The following NXPE2 variants were observed in gnomAD, a reference collection of about 807,000 sequenced individuals.
NXPE2 encodes the protein neurexophilin and PC-esterase domain family member 2, also known as NXPE family member 2.
NXPE2 carries 34 observed loss-of-function variants against 34.4 expected under a neutral mutation model. The ratio of observed to expected loss-of-function variants is 0.99; its 90% CI spans 0.75 to 1.31. The LOEUF is 1.31. Among genes scored for constraint, NXPE2 ranks in the 40% most tolerant of loss-of-function variants. The pLI, the probability that NXPE2 is intolerant of heterozygous loss-of-function variation, is 0.00. For missense variants in NXPE2, 649 were observed against 672.5 expected, an observed-to-expected ratio of 0.97 and a Z score of 0.39; for synonymous variants, 235 against 231.3, an observed-to-expected ratio of 1.02 and a Z score of -0.15.
At position 114,682,780 on chromosome 11, in the gene NXPE2, A is replaced by G. The variant is rs60307835; in HGVS notation, c.132+3018A>G. Among the ~76,000 whole-genome samples, 1,066 of 152,242 alleles carry G rather than the reference A, an allele frequency of 7.0e-3. 8 individuals carry two copies. The highest frequency in any genetic ancestry group is 0.02 in the African/African-American group (839 of 41,538). The stretch of plus-strand genomic sequence containing the variant: ...GTGCACAGAATATTATGTTGGAAGA[A>G]GACATTTCCTTTAGACCTTTAAGAA... On this transcript the variant is annotated intron_variant, in intron 2 of 5. Coordinates refer to ENST00000389586, the MANE Select transcript of NXPE2 (RefSeq NM_182495.6).
the NXPE2 span, among the ~76,000 whole-genome samples, chr11:114,624,754 C>T: frequency 6.6e-6 from 1 of 152,212 alleles, no homozygotes; most frequent in African/African-American, 2.4e-5. Flanking sequence ...ACCACTGTTA[C>T]CCAGTGGATA....
chr11:114,524,692 T>A, the NXPE2 span, among the ~76,000 whole-genome samples: 1 of 152,214 alleles, frequency 6.6e-6, no homozygotes, highest in Non-Finnish European at 1.5e-5. Context: ...TGGCACACTT[T>A]GCTGAGAACA....
At chr11:114,654,457 A>G in the NXPE2 span, among the ~76,000 whole-genome samples, 4 of 151,636 alleles carry the variant, frequency 2.6e-5, no homozygotes, top group African/African-American at 9.7e-5. Flanking sequence ...CCCATCTTCT[A>G]TGTGCCCTCC....
At chr11:114,693,541 C>A (rs1460785713) in intron 2 of NXPE2, among the ~76,000 whole-genome samples, 1 of 152,192 alleles carries the variant, frequency 6.6e-6, no homozygotes, top group African/African-American at 2.4e-5. Context: ...ACAGTGAAGT[C>A]TTTGAGAACT....
the NXPE2 span, among the ~76,000 whole-genome samples, chr11:114,738,743 A>G: frequency 2.3e-3 from 357 of 152,300 alleles, 3 homozygotes; most frequent in African/African-American, 8.3e-3. Flanking sequence ...TGATGTTGTC[A>G]TAAAAAGATC....
chr11:114,505,481 G>A, the NXPE2 span, among the ~76,000 whole-genome samples: 1 of 152,084 alleles, frequency 6.6e-6, no homozygotes, highest in African/African-American at 2.4e-5. Context: ...AGAGAGAAAG[G>A]CCAGGTCATA....
At chr11:114,699,889 G>C (rs1048528375) in intron 3 of NXPE2, among the ~76,000 whole-genome samples, 1 of 151,614 alleles carries the variant, frequency 6.6e-6, no homozygotes, top group Non-Finnish European at 1.5e-5. Context: ...CGCCTCCTGG[G>C]TACAAGCAAT....
At chr11:114,737,707 C>G in the NXPE2 span, among the ~76,000 whole-genome samples, 2 of 152,086 alleles carry the variant, frequency 1.3e-5, no homozygotes, top group Non-Finnish European at 2.9e-5. Flanking sequence ...GAGGGGTTCT[C>G]CTCTTGAATC....
chr11:114,695,733 C>A (rs1951237443), intron 2 of NXPE2, among the ~76,000 whole-genome samples: 1 of 152,072 alleles, frequency 6.6e-6, no homozygotes, highest in African/African-American at 2.4e-5. Context: ...TGGCTAACGC[C>A]TGTAATCCCT....
At chr11:114,561,368 G>C in the NXPE2 span, among the ~76,000 whole-genome samples, 1 of 152,116 alleles carries the variant, frequency 6.6e-6, no homozygotes, top group African/African-American at 2.4e-5. Flanking sequence ...GTCCATCCAA[G>C]TTATTGCATG....
chr11:114,789,318 TTGTC>T, the NXPE2 span, among the ~76,000 whole-genome samples: 1 of 152,222 alleles, frequency 6.6e-6, no homozygotes, highest in Non-Finnish European at 1.5e-5. Flanking sequence ...AACTTTTTAT[TTGTC>T]CATTAAAAAG....
chr11:114,530,144 A>G, the NXPE2 span: 5 of 1,552,926 alleles, frequency 3.2e-6, no homozygotes, highest in African/African-American at 5.5e-5. Flanking sequence ...CTCAGGGGAC[A>G]CTTCTCAGTA....
At chr11:114,737,216 C>T in the NXPE2 span, among the ~76,000 whole-genome samples, 1 of 152,164 alleles carries the variant, frequency 6.6e-6, no homozygotes, top group Non-Finnish European at 1.5e-5. Context: ...TCAGCTAATG[C>T]CCCTAACTCA....
intron 4 of NXPE2, among the ~76,000 whole-genome samples, chr11:114,704,370 C>G (rs573445627): frequency 1.3e-5 from 2 of 152,242 alleles, no homozygotes; most frequent in East Asian, 3.9e-4. Context: ...GGTGCTGGTG[C>G]TATGTGAAAA....
chr11:114,559,475 G>A, the NXPE2 span, among the ~76,000 whole-genome samples: 1 of 152,198 alleles, frequency 6.6e-6, no homozygotes, highest in Non-Finnish European at 1.5e-5. Flanking sequence ...TAGGTTGAGT[G>A]ACTGTATCCA....
chr11:114,650,557 C>T, the NXPE2 span, among the ~76,000 whole-genome samples: 1 of 150,432 alleles, frequency 6.6e-6, no homozygotes, highest in East Asian at 2.0e-4. Context: ...TACTGTTCTC[C>T]TTCCCCAGGA....
the NXPE2 span, among the ~76,000 whole-genome samples, chr11:114,734,686 G>C: frequency 1.3e-5 from 2 of 152,108 alleles, no homozygotes; most frequent in African/African-American, 4.8e-5. Context: ...TTGTACTGTT[G>C]TGAATTAGCA....
the NXPE2 span, among the ~76,000 whole-genome samples, chr11:114,752,810 C>A: frequency 4.6e-5 from 7 of 152,024 alleles, no homozygotes; most frequent in African/African-American, 1.5e-4. Context: ...GTCTAGTAAC[C>A]AATTGGATAT....
At chr11:114,708,543 G>A (rs1028830497), downstream of NXPE2, among the ~76,000 whole-genome samples, 8 of 151,716 alleles carry the variant, frequency 5.3e-5, no homozygotes, top group Non-Finnish European at 1.0e-4. Context: ...TCAGTACAAA[G>A]TTTGGGTCGT....
Sources: allele counts gnomAD v4.1 joint callset (sites outside exome capture counted in the v4.1 genomes callset), GRCh38; gene constraint gnomAD v4.1.1; transcripts MANE v1.5; gene names NCBI Gene and HGNC (gene_info 2026-07-23, HGNC 2026-07-21).